SLCO1A2: variants seen among roughly 807,000 people sequenced by gnomAD.
SLCO1A2 encodes OATP-1.
Under a neutral mutation model 69.0 loss-of-function variants are expected in SLCO1A2, and 67 were observed. The ratio of observed to expected loss-of-function variants is 0.97; its 90% CI spans 0.80 to 1.19. The LOEUF (loss-of-function observed/expected upper bound fraction) is 1.19, where lower values mean the gene tolerates loss of function less well. Ranked by LOEUF, SLCO1A2 falls within the 50% of genes most tolerant of loss-of-function variation. The probability of loss-of-function intolerance (pLI) is 0.00; values close to 1 mark genes in which losing one functional copy is unlikely to be tolerated. For synonymous variants in SLCO1A2, 260 were observed against 265.9 expected (o/e 0.98, Z 0.22); for missense variants, 787 against 793.7 (o/e 0.99, Z 0.10).
intron 1 of SLCO1A2, among the ~76,000 whole-genome samples, chr12:21,409,439 A>G (rs1446223509): frequency 1.3e-5 from 2 of 152,150 alleles, no homozygotes; most frequent in Admixed American, 1.3e-4. Context: ...AATTTTATCT[A>G]TGGCTCCTTT....
At chr12:21,405,998 C>T (rs1322196674) in intron 1 of SLCO1A2, among the ~76,000 whole-genome samples, 1 of 152,130 alleles carries the variant, frequency 6.6e-6, no homozygotes, top group Non-Finnish European at 1.5e-5. Context: ...TACTCCATGC[C>T]AAATATTTCT....
intron 2 of SLCO1A2, chr12:21,373,656 T>C (rs1278154659): frequency 2.9e-6 from 2 of 701,542 alleles, no homozygotes; most frequent in Non-Finnish European, 5.2e-6. Context: ...GAATGGATAA[T>C]TCCAGTTTTG....
Position 21,410,217 on chromosome 12 carries a change from G to A in SLCO1A2, c.-312+7665C>T, listed in dbSNP as rs1017730435. On this transcript the variant is annotated intron_variant, in intron 1 of 4. Coordinates refer to the SLCO1A2 transcript ENST00000413682. ...ATCTTGAGTCCATCACTAGTCTTCC[G>A]CTTATCATTCCCTTACTTTCAATTT... Among the ~76,000 whole-genome samples the A allele has an allele frequency of 1.1e-4, 16 of 152,076 alleles. No individual in the cohort carries two copies. The East Asian group carries it at 1.4e-3, about 13-fold the overall frequency.
chr12:21,299,751 G>T (rs1948301344), intron 8 of SLCO1A2, among the ~76,000 whole-genome samples: 1 of 134,744 alleles, frequency 7.4e-6, no homozygotes. Context: ...TGAGCAAATG[G>T]GACCATATAT....
intron 1 of SLCO1A2, among the ~76,000 whole-genome samples, chr12:21,388,267 G>A (rs1172586255): frequency 6.6e-6 from 1 of 151,870 alleles, no homozygotes; most frequent in Non-Finnish European, 1.5e-5. Context: ...GAAATGTGAG[G>A]ACATAAGATT....
chr12:21,379,112 G>C (rs923390556), intron 1 of SLCO1A2: 4 of 152,116 alleles, frequency 2.6e-5, no homozygotes, highest in African/African-American at 9.7e-5. Context: ...AAGTACCCCT[G>C]ATAAGCAAAT....
At chr12:21,273,149 G>T (rs1395384835) in intron 14 of SLCO1A2, among the ~76,000 whole-genome samples, 1 of 152,142 alleles carries the variant, frequency 6.6e-6, no homozygotes, top group Non-Finnish European at 1.5e-5. Context: ...TACACACAGT[G>T]AATTTGGGCT....
chr12:21,373,737 G>A (rs1290615069), intron 2 of SLCO1A2: 2 of 701,050 alleles, frequency 2.9e-6, no homozygotes, highest in South Asian at 1.5e-5. Flanking sequence ...TCAAAAGGTA[G>A]TAATTTCTTC....
At chr12:21,361,658 G>A (rs1028936489) in intron 2 of SLCO1A2, among the ~76,000 whole-genome samples, 2 of 152,086 alleles carry the variant, frequency 1.3e-5, no homozygotes, top group African/African-American at 2.4e-5. Context: ...AAGAGTAGAC[G>A]AATGGCAGTG....
chr12:21,319,475 C>G, intron 2 of SLCO1A2: 1 of 1,365,680 alleles, frequency 7.3e-7, no homozygotes. Flanking sequence ...TGAGTTATGT[C>G]CTCATTCTTC....
At chr12:21,293,837 T>C in intron 11 of SLCO1A2, 108 bp downstream of exon 11, 1 of 849,342 alleles carries the variant, frequency 1.2e-6, no homozygotes, top group Non-Finnish European at 1.7e-6. Flanking sequence ...AAAAAAGTAA[T>C]ATGGTTTTGA....
chr12:21,332,928 A>C (rs547118689), intron 2 of SLCO1A2, among the ~76,000 whole-genome samples: 31 of 152,230 alleles, frequency 2.0e-4, no homozygotes, highest in Admixed American at 6.6e-4. Flanking sequence ...TGTGAGACCT[A>C]AATAGAAATT....
At chr12:21,314,424 C>T in intron 4 of SLCO1A2, 125 bp downstream of exon 4, 1 of 968,998 alleles carries the variant, frequency 1.0e-6, no homozygotes, top group South Asian at 1.7e-5. Context: ...ACAGAATGTG[C>T]ATCTTCCCCT....
At chr12:21,306,332 CT>C (rs1050247001) in intron 5 of SLCO1A2, among the ~76,000 whole-genome samples, 48 of 146,480 alleles carry the variant, frequency 3.3e-4, no homozygotes, top group South Asian at 4.3e-4. Flanking sequence ...GTCTTTGACT[CT>C]TTTTTTTTTT....
intron 14 of SLCO1A2, among the ~76,000 whole-genome samples, 177 bp from the exon 15 acceptor site, chr12:21,269,944 T>TTTATG (rs1481130130): frequency 6.6e-6 from 1 of 151,864 alleles, no homozygotes; most frequent in Non-Finnish European, 1.5e-5. Context: ...GTTAAAATAT[T>TTTATG]TTATGTTTTT....
chr12:21,413,242 T>TC (rs1555133922), intron 1 of SLCO1A2, among the ~76,000 whole-genome samples: 3 of 127,242 alleles, frequency 2.4e-5, no homozygotes, highest in East Asian at 2.1e-4. Flanking sequence ...TTTTTCTTTT[T>TC]TTTTTTTTTT....
At chr12:21,346,533 AC>A (rs1159973877) in intron 2 of SLCO1A2, among the ~76,000 whole-genome samples, 198 of 152,252 alleles carry the variant, frequency 1.3e-3, no homozygotes, top group African/African-American at 4.4e-3. Context: ...AAAAAAAAAA[AC>A]ATATGTGGAA....
rs1044238761 is a variant in SLCO1A2, at chr12:21,314,484, A to G, written c.335+65T>C. ...TGGAAAGCATTGCTCCTAGAGAGGA[A>G]AGTGCAACTTCATTTCCTGCAAGTG... On this transcript the variant is annotated intron_variant, in intron 4 of 14. Transcript: ENST00000683939. 3.5e-5 allele frequency: 55 copies of G among 1,569,448 alleles called. No individual in the cohort carries two copies. The African/African-American group carries it at 4.2e-4, about 12-fold the overall frequency.
chr12:21,375,053 A>C (rs1486509332), intron 1 of SLCO1A2, among the ~76,000 whole-genome samples: 1 of 152,134 alleles, frequency 6.6e-6, no homozygotes, highest in Non-Finnish European at 1.5e-5. Context: ...CCTGGGCTCA[A>C]GCCTTCCTCC....
Sources: gnomAD v4.1 joint callset for allele counts (sites outside exome capture counted in the v4.1 genomes callset) on GRCh38, gnomAD v4.1.1 for gene constraint, MANE v1.5 for transcripts, NCBI Gene and HGNC (gene_info 2026-07-23, HGNC 2026-07-21) for gene names.